Variants in SPATA7 observed in about 807,000 individuals in gnomAD.
The protein encoded by SPATA7 is spermatogenesis-associated protein 7.
In SPATA7, 43 loss-of-function variants were observed where a neutral mutation model predicts 51.8. That is an observed-to-expected ratio of 0.83 (90% CI 0.65 to 1.07). SPATA7 has a LOEUF of 1.07. Among genes scored for constraint, SPATA7 ranks in the 50% least tolerant of loss-of-function variants. The probability of loss-of-function intolerance (pLI) is 0.00; values close to 1 mark genes in which losing one functional copy is unlikely to be tolerated. For synonymous variants in SPATA7, 230 were observed against 252.8 expected, an observed-to-expected ratio of 0.91 and a Z score of 0.86; for missense variants, 683 against 701.3, an observed-to-expected ratio of 0.97 and a Z score of 0.30.
In SPATA7 at chr14:88,437,564, G is replaced by A. The variant is rs2077122890; in HGVS notation, c.1182G>A (p.Glu394=). The A allele has an allele frequency of 1.2e-6, 2 of 1,610,832 alleles. No individual in the cohort carries two copies. The highest frequency in any genetic ancestry group is 2.2e-5 in the South Asian group (2 of 90,448). The change falls in exon 11 of 12, where the codon GAG becomes GAA. Residue 394 remains glutamate (E), a synonymous_variant. Transcript: ENST00000393545. The part of the protein sequence containing the change: ...FSNRFLERLF[E]RHIKQNKHLE... ...GTAGGTTTTTAGAACGACTGTTCGAGCGACATATAAAACAAAATAAACATT... is the reference window on the plus strand; with the variant it reads ...GTAGGTTTTTAGAACGACTGTTCGAACGACATATAAAACAAAATAAACATT...
At chr14:88,468,334 G>T in intron 4 of SPATA7, 1 of 1,421,442 alleles carries the variant, frequency 7.0e-7, no homozygotes, top group Non-Finnish European at 9.5e-7. Context: ...GGGAGGACAC[G>T]AGTGTCCTGG....
At chr14:88,446,098 T>A (rs1188975012) in intron 3 of SPATA7, among the ~76,000 whole-genome samples, 1 of 152,228 alleles carries the variant, frequency 6.6e-6, no homozygotes, top group Non-Finnish European at 1.5e-5. Context: ...AGAATTCGGC[T>A]GTGAATCCAT....
chr14:88,443,270 C>T (rs2077189978), downstream of SPATA7, among the ~76,000 whole-genome samples: 3 of 152,056 alleles, frequency 2.0e-5, no homozygotes, highest in African/African-American at 2.4e-5. Context: ...TTTAAATTAC[C>T]ATTTCAATCT....
At chr14:88,421,962 A>AG (rs1279215730) in intron 5 of SPATA7, among the ~76,000 whole-genome samples, 1 of 151,652 alleles carries the variant, frequency 6.6e-6, no homozygotes, top group Non-Finnish European at 1.5e-5. Context: ...AAAAAAAAAA[A>AG]AAGTAGAATC....
At chr14:88,400,265 A>G (rs1254339926) in intron 4 of SPATA7, among the ~76,000 whole-genome samples, 3 of 152,214 alleles carry the variant, frequency 2.0e-5, no homozygotes, top group African/African-American at 7.2e-5. Flanking sequence ...GAATTTTGAT[A>G]TCTTGAGGCA....
At chr14:88,456,178 A>G (rs1300399624), downstream of SPATA7, among the ~76,000 whole-genome samples, 1 of 152,184 alleles carries the variant, frequency 6.6e-6, no homozygotes, top group Non-Finnish European at 1.5e-5. Context: ...TAGTGCTGCA[A>G]TAAACATGTG....
intron 10 of SPATA7, among the ~76,000 whole-genome samples, chr14:88,433,874 A>T (rs1049154483): frequency 1.3e-5 from 2 of 152,200 alleles, no homozygotes; most frequent in African/African-American, 2.4e-5. Context: ...CAAGTTTTTT[A>T]AAAAATTAAA....
Position 88,469,798 on chromosome 14 carries a change from G to A in SPATA7, c.255-49G>A, listed in dbSNP as rs755437772. The A allele has an allele frequency of 1.3e-5, 21 of 1,596,964 alleles. No homozygotes were observed. The highest frequency in any genetic ancestry group is 3.3e-5 in the South Asian group (3 of 90,622). ...CAATGGATGCCTTTCTCACATAGACGGCACATCTGAAACAGAACCACAACC... is the reference window on the plus strand; with the variant it reads ...CAATGGATGCCTTTCTCACATAGACAGCACATCTGAAACAGAACCACAACC... On this transcript the variant is annotated intron_variant, in intron 4 of 4. Coordinates refer to the SPATA7 transcript ENST00000556406. This position sits in a 1 kb window ranked among gnomAD's most constrained non-coding sequence, Gnocchi z 4.3.
chr14:88,429,096 T>G (rs1331462115), intron 7 of SPATA7: 1 of 281,440 alleles, frequency 3.6e-6, no homozygotes, highest in South Asian at 4.8e-5. Context: ...CTTTATATGT[T>G]TATTTGTGGC....
intron 4 of SPATA7, among the ~76,000 whole-genome samples, chr14:88,399,460 C>G (rs1171110314): frequency 6.6e-6 from 1 of 152,166 alleles, no homozygotes. Flanking sequence ...TTTTTAAAGA[C>G]CAGTTTGGTC....
chr14:88,406,783 A>T (rs937821829), intron 4 of SPATA7: 3 of 152,008 alleles, frequency 2.0e-5, no homozygotes, highest in Non-Finnish European at 4.4e-5. Flanking sequence ...AACAGGCCCC[A>T]GTGTGTGATG....
downstream of SPATA7, among the ~76,000 whole-genome samples, chr14:88,442,825 C>T (rs2077186771): frequency 6.6e-6 from 1 of 151,864 alleles, no homozygotes; most frequent in African/African-American, 2.4e-5. Flanking sequence ...GGGAGGATTC[C>T]CTCTTTATCT....
chr14:88,452,472 C>T (rs990150443), intron 3 of SPATA7, among the ~76,000 whole-genome samples: 9 of 152,094 alleles, frequency 5.9e-5, no homozygotes, highest in African/African-American at 9.7e-5. Flanking sequence ...ACACTGTGGG[C>T]GGGGCCATAG....
intron 4 of SPATA7, among the ~76,000 whole-genome samples, chr14:88,412,718 T>C (rs1234064842): frequency 6.6e-6 from 1 of 152,222 alleles, no homozygotes; most frequent in Non-Finnish European, 1.5e-5. Flanking sequence ...GTCAGATGCA[T>C]AGTTTACAAA....
At chr14:88,440,169 A>C (rs886516312), downstream of SPATA7, among the ~76,000 whole-genome samples, 4 of 151,854 alleles carry the variant, frequency 2.6e-5, no homozygotes, top group African/African-American at 9.7e-5. Context: ...GCCTGGCCCA[A>C]ATTTTCCTTC....
downstream of SPATA7, among the ~76,000 whole-genome samples, chr14:88,457,932 A>G (rs1476751899): frequency 7.9e-5 from 12 of 152,140 alleles, no homozygotes; most frequent in Non-Finnish European, 1.8e-4. Context: ...AGTTTTTAGC[A>G]TGAAGGGCTG....
At chr14:88,407,667 C>T (rs1466688353) in intron 4 of SPATA7, among the ~76,000 whole-genome samples, 1 of 152,140 alleles carries the variant, frequency 6.6e-6, no homozygotes, top group Admixed American at 6.6e-5. Flanking sequence ...GTGTTTTAGT[C>T]ATGAAGTCTG....
intron 4 of SPATA7, among the ~76,000 whole-genome samples, chr14:88,412,358 G>A (rs775831468): frequency 7.9e-5 from 12 of 151,954 alleles, no homozygotes; most frequent in Non-Finnish European, 1.2e-4. Context: ...ACAATAGGCC[G>A]TCTGCAGGCT....
intron 10 of SPATA7, among the ~76,000 whole-genome samples, chr14:88,435,012 C>A (rs943998416): frequency 6.6e-6 from 1 of 152,166 alleles, no homozygotes; most frequent in African/African-American, 2.4e-5. Context: ...GCATGGTGTT[C>A]TAGAATGAAG....
Sources: allele counts gnomAD v4.1 joint callset (sites outside exome capture counted in the v4.1 genomes callset), GRCh38; gene constraint gnomAD v4.1.1; non-coding constraint Gnocchi (gnomAD v3.1); transcripts MANE v1.5; gene names NCBI Gene and HGNC (gene_info 2026-07-23, HGNC 2026-07-21).